Variants in DGCR8 observed in about 807,000 individuals in gnomAD.
The protein encoded by DGCR8 is DGCR8 microprocessor complex subunit.
A neutral mutation model predicts 78.5 loss-of-function variants in DGCR8; 14 were observed. The ratio of observed to expected loss-of-function variants is 0.18; its 90% CI spans 0.12 to 0.28. The LOEUF is 0.28. Ranked by LOEUF, DGCR8 falls within the 10% of genes least tolerant of loss-of-function variation. DGCR8 has a pLI of 1.00. For missense variants in DGCR8, 702 were observed against 1,022.5 expected, an observed-to-expected ratio of 0.69 and a Z score of 4.28; for synonymous variants, 399 against 402.4, an observed-to-expected ratio of 0.99 and a Z score of 0.10.
chr22:20,086,467 T>G lies in DGCR8; in HGVS notation c.504T>G (p.Val168=). 1 of 1,613,854 alleles carries G rather than the reference T, an allele frequency of 6.2e-7. No homozygotes were observed. The highest frequency in any genetic ancestry group is 1.3e-5 in the African/African-American group (1 of 74,950). ...DVHACPFGGS[V]GDGVGIGGES... is the part of the protein sequence containing the mutation. ...ATGCTTGTCCCTTTGGCGGGAGTGT[T>G]GGTGACGGGGTAGGCATAGGGGGTG... The change falls in exon 2 of 14, where the codon GTT becomes GTG. Residue 168 remains valine (V), a synonymous_variant. Coordinates refer to ENST00000351989, the MANE Select transcript of DGCR8 (RefSeq NM_022720.7). The surrounding 1 kb of genome is among the most constrained non-coding windows in gnomAD (Gnocchi z 6.4).
intron 7 of DGCR8, 37 bp downstream of exon 7, chr22:20,092,007 C>T (rs372197987): frequency 1.4e-5 from 22 of 1,548,432 alleles, no homozygotes; most frequent in Non-Finnish European, 1.9e-5. Flanking sequence ...CCTAAAGAAT[C>T]ACAAGGTGTA....
intron 10 of DGCR8, 82 bp from the exon 11 acceptor site, chr22:20,106,510 G>A: frequency 9.4e-7 from 1 of 1,064,454 alleles, no homozygotes; most frequent in Non-Finnish European, 1.5e-6. Flanking sequence ...CATTTCCTAA[G>A]GGCTTCCCAG....
intron 9 of DGCR8, 119 bp downstream of exon 9, chr22:20,094,914 A>G: frequency 1.3e-6 from 1 of 774,940 alleles, no homozygotes; most frequent in Non-Finnish European, 2.2e-6. Context: ...CCTGTAGGTT[A>G]GTCTCATCCA....
Position 20,087,281 on chromosome 22 carries a change from T to C in DGCR8, c.840T>C (p.Ser280=), listed in dbSNP as rs781627295. ...ACCATCCGTCCGATGGAGAGACAAGTGTGCAGCCGATGATGACCAAGATTA... is the reference window on the plus strand; with the variant it reads ...ACCATCCGTCCGATGGAGAGACAAGCGTGCAGCCGATGATGACCAAGATTA... ...DSDHPSDGET[S]VQPMMTKIKT... Residue 280 remains serine, a synonymous_variant, in exon 3 of 14, where the codon AGT becomes AGC. Transcript: ENST00000351989. This position sits in a 1 kb window ranked among gnomAD's most constrained non-coding sequence, Gnocchi z 4.1. 6 of 1,613,214 alleles carry C rather than the reference T, an allele frequency of 3.7e-6. No individual in the cohort carries two copies. The highest frequency in any genetic ancestry group is 2.7e-5 in the African/African-American group (2 of 74,856).
chr22:20,106,414 G>A (rs2049770492), intron 10 of DGCR8, 137 bp downstream of exon 10: 1 of 850,254 alleles, frequency 1.2e-6, no homozygotes, highest in Non-Finnish European at 1.9e-6. Flanking sequence ...CCTTGGCCCT[G>A]GCCACCAGTC....
At chr22:20,093,384 G>A (rs570015071) in intron 8 of DGCR8, among the ~76,000 whole-genome samples, 2 of 151,986 alleles carry the variant, frequency 1.3e-5, no homozygotes, top group African/African-American at 2.4e-5. Flanking sequence ...CAGCCTGGGC[G>A]ACAGTGCAAG....
Position 20,087,922 on chromosome 22 carries a change from C to G in DGCR8, c.880+601C>G. On this transcript the variant is annotated intron_variant, in intron 3 of 13. Coordinates refer to ENST00000351989, the MANE Select transcript of DGCR8 (RefSeq NM_022720.7). The surrounding 1 kb of genome is among the most constrained non-coding windows in gnomAD (Gnocchi z 4.1). ...CCAGAGTTGCACTGTGAGGCTCTGTCATCGATGTGGTGCAGGTGTTGGGGG... is the reference window on the plus strand; with the variant it reads ...CCAGAGTTGCACTGTGAGGCTCTGTGATCGATGTGGTGCAGGTGTTGGGGG... 6.6e-6 allele frequency among the ~76,000 whole-genome samples: 1 copy of G among 152,054 alleles called. No individual in the cohort carries two copies. Among genetic ancestry groups the G allele is most frequent in the Non-Finnish European group, 1.5e-5 (1 of 68,002 alleles).
chr22:20,111,499 T>G lies in DGCR8; in HGVS notation c.*1391T>G, dbSNP rs371294394. 1 of 398,348 alleles carries G rather than the reference T, an allele frequency of 2.5e-6. No homozygotes were observed. The highest frequency in any genetic ancestry group is 4.4e-6 in the Non-Finnish European group (1 of 226,056). 24.7% of individuals were successfully genotyped at this position (398,348 alleles called of 1,614,324 possible). A position where few individuals can be genotyped will look rare whatever the true frequency, so the allele number is the denominator to read the frequency against. On this transcript the variant is annotated 3_prime_UTR_variant, in exon 14 of 14. Transcript: ENST00000351989. Reference sequence around the variant, plus strand: ...AAGAAACCCTCAACTCAAATTGCTATAATTAGACACTTGCTTCTGTCTTGC... The same window carrying G: ...AAGAAACCCTCAACTCAAATTGCTAGAATTAGACACTTGCTTCTGTCTTGC...
intron 1 of DGCR8, among the ~76,000 whole-genome samples, chr22:20,081,260 C>T (rs919949265): frequency 6.6e-6 from 1 of 152,240 alleles, no homozygotes; most frequent in African/African-American, 2.4e-5. Context: ...CTCCATGGCG[C>T]TGGCACTGGT....
Position 20,086,487 on chromosome 22 carries a change from G to C in DGCR8, c.524G>C (p.Gly175Ala). Reference sequence around the variant, plus strand: ...AGTGTTGGTGACGGGGTAGGCATAGGGGGTGAGAGTGCTGATAAGAAGGAT... The same window carrying C: ...AGTGTTGGTGACGGGGTAGGCATAGCGGGTGAGAGTGCTGATAAGAAGGAT... ...GGSVGDGVGI[G>A]GESADKKDEE... is the part of the protein sequence containing the mutation. The change falls in exon 2 of 14, where the codon GGG becomes GCG. Residue 175 changes from glycine to alanine, a missense_variant. Physicochemically the swap from Gly to Ala is moderately conservative, Grantham distance 60 (BLOSUM62 0). This residue lies in a region of DGCR8 where 356 missense variants were observed against 448.9 expected (regional missense o/e 0.79). Coordinates refer to ENST00000351989, the MANE Select transcript of DGCR8 (RefSeq NM_022720.7). This position sits in a 1 kb window ranked among gnomAD's most constrained non-coding sequence, Gnocchi z 6.4. The C allele has an allele frequency of 5.0e-6, 8 of 1,614,038 alleles. No homozygotes were observed. Among genetic ancestry groups the C allele is most frequent in the Non-Finnish European group, 6.8e-6 (8 of 1,180,018 alleles).
rs1487881523 is a variant in DGCR8, at chr22:20,085,413, AT to A, written c.-277-268del. 2.0e-5 allele frequency among the ~76,000 whole-genome samples: 3 copies of A among 152,190 alleles called. No homozygotes were observed. Among genetic ancestry groups the A allele is most frequent in the Admixed American group, 2.0e-4 (3 of 15,290 alleles). ...GGAGTTTAGTGTAAATTTTTAAAAT[AT>A]TTTTTGAGCCTTATGATTATATAGT... On this transcript the variant is annotated intron_variant, in intron 1 of 13. Coordinates refer to ENST00000351989, the MANE Select transcript of DGCR8 (RefSeq NM_022720.7). The surrounding 1 kb of genome is among the most constrained non-coding windows in gnomAD (Gnocchi z 6.2).
chr22:20,102,483 A>T (rs2049715333), intron 9 of DGCR8, among the ~76,000 whole-genome samples: 1 of 152,106 alleles, frequency 6.6e-6, no homozygotes, highest in South Asian at 2.1e-4. Flanking sequence ...GGTTTTGGTG[A>T]TGGGCAGTAA....
At position 20,089,740 on chromosome 22, in the gene DGCR8, G is replaced by A; in HGVS notation, c.952G>A (p.Val318Met). ...GACATTCCATAACTCTGGAGTCCCG[G>A]TGTACCTACACAGAGAGTCTCGGGT... is the stretch of plus-strand genomic sequence containing the variant. Reference protein sequence around the residue: ...IMTFHNSGVPVYLHRESRVVT... With the variant: ...IMTFHNSGVPMYLHRESRVVT... The change falls in exon 4 of 14, where the codon GTG becomes ATG. Residue 318 changes from valine to methionine, a missense_variant. This residue lies in a region of DGCR8 where 356 missense variants were observed against 448.9 expected (regional missense o/e 0.79). Coordinates refer to ENST00000351989, the MANE Select transcript of DGCR8 (RefSeq NM_022720.7). This position sits in a 1 kb window ranked among gnomAD's most constrained non-coding sequence, Gnocchi z 4.9. The A allele has an allele frequency of 6.2e-7, 1 of 1,613,954 alleles. No homozygotes were observed. The highest frequency in any genetic ancestry group is 8.5e-7 in the Non-Finnish European group (1 of 1,179,980).
At chr22:20,083,739 C>A (rs1159418611) in intron 1 of DGCR8, among the ~76,000 whole-genome samples, 1 of 152,102 alleles carries the variant, frequency 6.6e-6, no homozygotes, top group Admixed American at 6.5e-5. Flanking sequence ...AGGTGTGTGG[C>A]CCTGGTCTTC....
Position 20,086,910 on chromosome 22 carries a change from G to A in DGCR8, c.720+227G>A. The stretch of plus-strand genomic sequence containing the variant: ...GCCCATGGGTAGGCCCTGCATCCCT[G>A]ATCTAGCGCGTGGGGCAGCAGGTGC... On this transcript the variant is annotated intron_variant, in intron 2 of 13. Transcript: ENST00000351989. This position sits in a 1 kb window ranked among gnomAD's most constrained non-coding sequence, Gnocchi z 6.4. The A allele has an allele frequency of 2.7e-6, 2 of 733,770 alleles. No individual in the cohort carries two copies. The highest frequency in any genetic ancestry group is 4.3e-6 in the Non-Finnish European group (2 of 464,814). 45.5% of individuals were successfully genotyped at this position (733,770 alleles called of 1,614,324 possible).
Position 20,086,797 on chromosome 22 carries a change from A to T in DGCR8, c.720+114A>T. 1 of 1,198,614 alleles carries T rather than the reference A, an allele frequency of 8.3e-7. No individual in the cohort carries two copies. The highest frequency in any genetic ancestry group is 1.2e-6 in the Non-Finnish European group (1 of 864,440). 74.2% of individuals were successfully genotyped at this position (1,198,614 alleles called of 1,614,324 possible). The stretch of plus-strand genomic sequence containing the variant: ...TAAAAAAAAAAAAAACAAAAACCAA[A>T]ATCCCCTCTGAGGTGGAATAATGTT... On this transcript the variant is annotated intron_variant, in intron 2 of 13. Transcript: ENST00000351989. This position sits in a 1 kb window ranked among gnomAD's most constrained non-coding sequence, Gnocchi z 6.4.
chr22:20,108,736 C>T, intron 12 of DGCR8, 154 bp from the exon 13 acceptor site: 1 of 380,784 alleles, frequency 2.6e-6, no homozygotes, highest in Admixed American at 3.8e-5. Flanking sequence ...GGCCAGTCAG[C>T]ATGCAGTTAT....
At position 20,111,706 on chromosome 22, in the gene DGCR8, G is replaced by GCCACCCCC. The variant is rs2049850334; in HGVS notation, c.*1600_*1601insACCCCCCC. On this transcript the variant is annotated 3_prime_UTR_variant, in exon 14 of 14. Coordinates refer to ENST00000351989, the MANE Select transcript of DGCR8 (RefSeq NM_022720.7). ...TGCCATACTCTTGTGGTCTCTGTGC[G>GCCACCCCC]CCCCCCCCCCCCCCCCACCCGTCTG... The GCCACCCCC allele has an allele frequency of 3.2e-5, 2 of 63,028 alleles. No homozygotes were observed. Among genetic ancestry groups the GCCACCCCC allele is most frequent in the African/African-American group, 1.7e-4 (2 of 11,454 alleles). The allele number at this position is 63,028 out of a possible 1,614,324, so 3.9% of individuals were successfully genotyped here.
rs188870190 is a variant in DGCR8, at chr22:20,097,207, T to C, written c.1788+2412T>C. 2.5e-3 allele frequency among the ~76,000 whole-genome samples: 382 copies of C among 152,358 alleles called. 5 individuals carry two copies. Among genetic ancestry groups the C allele is most frequent in the African/African-American group, 8.9e-3 (369 of 41,588 alleles). On this transcript the variant is annotated intron_variant, in intron 9 of 13. Transcript: ENST00000351989. ...CTGGCCTCATAAAATGGTTGGAACA[T>C]GTTCCATTTTCTTCTGTTGTGTGGA... is the stretch of plus-strand genomic sequence containing the variant.
Sources: gnomAD v4.1 joint callset for allele counts (sites outside exome capture counted in the v4.1 genomes callset) on GRCh38, gnomAD v4.1.1 for gene constraint, gnomAD v4.1.1 regional missense constraint, Gnocchi (gnomAD v3.1) non-coding constraint, MANE v1.5 for transcripts, NCBI Gene and HGNC (gene_info 2026-07-23, HGNC 2026-07-21) for gene names.